NCOA3: variants seen among roughly 807,000 people sequenced by gnomAD.
NCOA3 encodes the protein nuclear receptor coactivator 3.
Under a neutral mutation model 158.8 loss-of-function variants are expected in NCOA3, and 51 were observed. That is an observed-to-expected ratio of 0.32 (90% CI 0.26 to 0.41). The LOEUF (loss-of-function observed/expected upper bound fraction) is 0.41. NCOA3 is among the 10% of genes least tolerant of loss of function. The pLI, the probability that NCOA3 is intolerant of heterozygous loss-of-function variation, is 1.00. For missense variants in NCOA3, 1,510 were observed against 1,746.6 expected (o/e 0.86, Z 2.41); for synonymous variants, 537 against 592.4 (o/e 0.91, Z 1.36).
intron 1 of NCOA3, among the ~76,000 whole-genome samples, chr20:47,527,440 A>G (rs932285038): frequency 1.3e-5 from 2 of 151,994 alleles, no homozygotes; most frequent in Non-Finnish European, 2.9e-5. Context: ...ATTCCCTGAG[A>G]TTCATTCATG....
At chr20:47,592,345 G>A (rs993322375) in intron 2 of NCOA3, among the ~76,000 whole-genome samples, 2 of 152,022 alleles carry the variant, frequency 1.3e-5, no homozygotes, top group African/African-American at 4.8e-5. Flanking sequence ...AGGCCCAGCC[G>A]ACCATTTGAT....
At chr20:47,528,795 C>T (rs541479671) in intron 1 of NCOA3, among the ~76,000 whole-genome samples, 10 of 152,008 alleles carry the variant, frequency 6.6e-5, no homozygotes, top group Non-Finnish European at 1.2e-4. Flanking sequence ...CTTTTTGAAA[C>T]GGAGTTTCGC....
chr20:47,603,729 CTGA>C (rs2085900984), intron 2 of NCOA3, among the ~76,000 whole-genome samples: 2 of 152,214 alleles, frequency 1.3e-5, no homozygotes, highest in Non-Finnish European at 1.5e-5. Flanking sequence ...CATCTCCTCT[CTGA>C]CCGTCCTCAG....
chr20:47,589,590 G>C (rs533182056), intron 2 of NCOA3, among the ~76,000 whole-genome samples: 2 of 151,880 alleles, frequency 1.3e-5, no homozygotes, highest in East Asian at 3.9e-4. Flanking sequence ...TGTCCAGGTT[G>C]ATCTCGAGCT....
chr20:47,582,649 G>A (rs1262194434), intron 1 of NCOA3, among the ~76,000 whole-genome samples: 3 of 152,222 alleles, frequency 2.0e-5, no homozygotes, highest in Non-Finnish European at 4.4e-5. Context: ...TTATAGGCAT[G>A]AGCCACTGCG....
intron 2 of NCOA3, among the ~76,000 whole-genome samples, chr20:47,604,710 A>G (rs1309754272): frequency 1.3e-5 from 2 of 152,138 alleles, no homozygotes; most frequent in African/African-American, 2.4e-5. Flanking sequence ...AGTGCTGGCA[A>G]TGTAGGCTTG....
At chr20:47,503,311 T>G (rs1041793529) in intron 1 of NCOA3, among the ~76,000 whole-genome samples, 1 of 152,256 alleles carries the variant, frequency 6.6e-6, no homozygotes, top group Non-Finnish European at 1.5e-5. Context: ...ACGAAAATGT[T>G]AATGGAAACC....
chr20:47,531,086 C>T (rs1001857466), intron 1 of NCOA3, among the ~76,000 whole-genome samples: 4 of 152,050 alleles, frequency 2.6e-5, no homozygotes, highest in Admixed American at 1.3e-4. Flanking sequence ...ACCTGTAATC[C>T]CAGTACTTTG....
At chr20:47,588,750 A>T (rs1192672769) in intron 2 of NCOA3, among the ~76,000 whole-genome samples, 1 of 152,276 alleles carries the variant, frequency 6.6e-6, no homozygotes, top group East Asian at 1.9e-4. Context: ...TACAAAAGAT[A>T]GCGTACTATA....
At position 47,519,431 on chromosome 20, in the gene NCOA3, C is replaced by CA. The variant is rs11479403; in HGVS notation, c.-99+17424dup. On this transcript the variant is annotated intron_variant, in intron 1 of 22. Transcript: ENST00000371998. ...TGGGTGACAGAGCGAGACTCCATCT[C>CA]AAAAAAAAAAAATGATATTTTTAGT... Among the ~76,000 whole-genome samples the CA allele has an allele frequency of 4.9e-3, 702 of 144,134 alleles. 5 individuals carry two copies. The highest frequency in any genetic ancestry group is 0.016 in the African/African-American group (621 of 39,030). The allele number at this position is 144,134 out of a possible 152,430, so 94.6% of individuals were successfully genotyped here. A position where few individuals can be genotyped will look rare whatever the true frequency, so the allele number is the denominator to read the frequency against.
At chr20:47,603,151 A>T (rs985543182) in intron 2 of NCOA3, among the ~76,000 whole-genome samples, 1 of 152,258 alleles carries the variant, frequency 6.6e-6, no homozygotes, top group Non-Finnish European at 1.5e-5. Flanking sequence ...CAAGACCACT[A>T]CCAAAACTTC....
chr20:47,628,535 C>T (rs1415311738), intron 8 of NCOA3: 1 of 153,468 alleles, frequency 6.5e-6, no homozygotes, highest in Non-Finnish European at 1.4e-5. Context: ...CCATGGCCTC[C>T]CAAACAGTTT....
rs759317681 is a variant in NCOA3 at position 47,639,125 on chromosome 20, C to T, written c.2630C>T (p.Pro877Leu). Residue 877 changes from proline (P) to leucine (L), a missense_variant, in exon 14 of 23, where the codon CCC (proline) becomes CTC (leucine). Around this residue, in one of 4 missense-constraint regions of NCOA3, gnomAD observed 1,017 missense variants for 1,098.3 expected, o/e 0.93. Transcript: ENST00000371998. ...SPPVKNISAF[P>L]MLPKQPMLGG... ...CCAGTAAAAAATATCAGTGCTTTCC[C>T]CATGTTACCAAAGCAACCCATGTTG... The T allele has an allele frequency of 6.2e-7, 1 of 1,614,118 alleles. No homozygotes were observed. The highest frequency in any genetic ancestry group is 8.5e-7 in the Non-Finnish European group (1 of 1,180,024).
At position 47,625,503 on chromosome 20, in the gene NCOA3, G is replaced by A. The variant is rs145496605; in HGVS notation, c.357+22G>A. 9.4e-6 allele frequency: 14 copies of A among 1,486,040 alleles called. 1 individual carries two copies. The East Asian group carries it at 2.9e-4, about 31-fold the overall frequency. 92.1% of individuals were successfully genotyped at this position (1,486,040 alleles called of 1,614,324 possible). A position where few individuals can be genotyped will look rare whatever the true frequency, so the allele number is the denominator to read the frequency against. ...TCAGGCAAGTATAAAGATTTTAACT[G>A]TCCAGTAGGCTGTATTGCCCTTTGG... On this transcript the variant is annotated intron_variant, in intron 5 of 22. Transcript: ENST00000371998.
chr20:47,638,861 C>A, intron 13 of NCOA3, 147 bp from the exon 14 acceptor site: 2 of 645,946 alleles, frequency 3.1e-6, no homozygotes, highest in Non-Finnish European at 4.7e-6. Context: ...GTGAGGGCCA[C>A]TTCCCTCACT....
chr20:47,643,498 T>C (rs2086642918), intron 17 of NCOA3, among the ~76,000 whole-genome samples: 1 of 152,206 alleles, frequency 6.6e-6, no homozygotes, highest in Non-Finnish European at 1.5e-5. Flanking sequence ...TTTCTTTACT[T>C]GTTCAGGCAC....
At chr20:47,585,885 A>G (rs960255390) in intron 2 of NCOA3, among the ~76,000 whole-genome samples, 17 of 150,682 alleles carry the variant, frequency 1.1e-4, no homozygotes, top group Non-Finnish European at 2.2e-4. Context: ...ATTGTGATAT[A>G]TACCCATTCT....
intron 2 of NCOA3, among the ~76,000 whole-genome samples, chr20:47,591,754 T>C (rs2085645094): frequency 6.6e-6 from 1 of 152,114 alleles, no homozygotes; most frequent in South Asian, 2.1e-4. Flanking sequence ...CCTTTTTTTT[T>C]TTGAAGAGTT....
Position 47,640,056 on chromosome 20 carries a change from G to A in NCOA3, c.3080+5G>A, listed in dbSNP as rs1204607465. ...TTCTCATGGCACTCAAAATAGGTGG[G>A]GTGTTATTTTGTGACTCTGTAGAAA... is the stretch of plus-strand genomic sequence containing the variant. On this transcript the variant is annotated splice_donor_5th_base_variant and intron_variant, in intron 16 of 22. Transcript: ENST00000371998. 1 of 1,614,046 alleles carries A rather than the reference G, an allele frequency of 6.2e-7. No homozygotes were observed.
Sources: allele counts gnomAD v4.1 joint callset (sites outside exome capture counted in the v4.1 genomes callset), GRCh38; gene constraint gnomAD v4.1.1; regional missense constraint gnomAD v4.1.1; transcripts MANE v1.5; gene names NCBI Gene and HGNC (gene_info 2026-07-23, HGNC 2026-07-21).